SLC8A1: variants seen among roughly 807,000 people sequenced by gnomAD.
SLC8A1 encodes the protein solute carrier family 8 member A1, also known as sodium/calcium exchanger 1.
Under a neutral mutation model 68.3 loss-of-function variants are expected in SLC8A1, and 18 were observed. The observed-to-expected ratio is 0.26, with a 90% CI of 0.18 to 0.39. SLC8A1 has a LOEUF of 0.39. Among genes scored for constraint, SLC8A1 ranks in the 10% least tolerant of loss-of-function variants. The probability of loss-of-function intolerance (pLI) is 1.00; values close to 1 mark genes in which losing one functional copy is unlikely to be tolerated. For missense variants in SLC8A1, 985 were observed against 1,156.7 expected, an observed-to-expected ratio of 0.85 and a Z score of 2.15; for synonymous variants, 475 against 415.5, an observed-to-expected ratio of 1.14 and a Z score of -1.74.
At chr2:40,281,992 TA>T (rs1469046967) in intron 2 of SLC8A1, among the ~76,000 whole-genome samples, 3 of 152,104 alleles carry the variant, frequency 2.0e-5, no homozygotes, top group Non-Finnish European at 4.4e-5. Context: ...TAGAAAAGTA[TA>T]ACAGTGGATT....
At chr2:40,302,887 T>C (rs1456670633) in intron 2 of SLC8A1, among the ~76,000 whole-genome samples, 2 of 152,070 alleles carry the variant, frequency 1.3e-5, no homozygotes, top group African/African-American at 4.8e-5. Flanking sequence ...CAAACCACAA[T>C]GTGATACCAC....
intron 2 of SLC8A1, among the ~76,000 whole-genome samples, chr2:40,351,788 G>A (rs1671185691): frequency 6.6e-6 from 1 of 152,124 alleles, no homozygotes; most frequent in African/African-American, 2.4e-5. Context: ...CTAAGTATTT[G>A]AGGTTGTAGA....
At chr2:40,458,121 T>C (rs1703132008) in intron 1 of SLC8A1, among the ~76,000 whole-genome samples, 1 of 152,232 alleles carries the variant, frequency 6.6e-6, no homozygotes, top group Non-Finnish European at 1.5e-5. Flanking sequence ...AAATAGCTAA[T>C]TTGTGGCAAA....
chr2:40,371,435 T>C (rs1212614516), intron 2 of SLC8A1, among the ~76,000 whole-genome samples: 2 of 152,116 alleles, frequency 1.3e-5, no homozygotes, highest in Non-Finnish European at 2.9e-5. Context: ...TAGTTTCTCA[T>C]TGTGAACATA....
At chr2:40,467,548 A>G (rs1382192785) in intron 1 of SLC8A1, among the ~76,000 whole-genome samples, 2 of 152,172 alleles carry the variant, frequency 1.3e-5, no homozygotes, top group Non-Finnish European at 2.9e-5. Context: ...TGTTCCTTCT[A>G]CAGAATAATG....
chr2:40,421,331 G>A (rs1355477081), intron 2 of SLC8A1, among the ~76,000 whole-genome samples: 2 of 152,108 alleles, frequency 1.3e-5, no homozygotes, highest in Non-Finnish European at 2.9e-5. Flanking sequence ...GCACAAAGCT[G>A]GTAGGGGACA....
chr2:40,394,783 G>T (rs1028812745), intron 2 of SLC8A1, among the ~76,000 whole-genome samples: 2 of 151,938 alleles, frequency 1.3e-5, no homozygotes. Flanking sequence ...CTGCCAAAAA[G>T]GAACATATTA....
chr2:40,248,320 A>G (rs1180644722), intron 2 of SLC8A1, among the ~76,000 whole-genome samples: 1 of 152,182 alleles, frequency 6.6e-6, no homozygotes, highest in Non-Finnish European at 1.5e-5. Flanking sequence ...CCTAACTCCC[A>G]GGGTGATGGG....
chr2:40,368,937 A>C (rs1276602985), intron 2 of SLC8A1, among the ~76,000 whole-genome samples: 1 of 84,408 alleles, frequency 1.2e-5, no homozygotes, highest in Non-Finnish European at 2.3e-5. Flanking sequence ...AGCAGTGAGA[A>C]AATAATTCCT....
At chr2:40,396,748 TAAAAA>T (rs368483768) in intron 2 of SLC8A1, among the ~76,000 whole-genome samples, 33 of 87,082 alleles carry the variant, frequency 3.8e-4, no homozygotes, top group Non-Finnish European at 5.5e-4. Context: ...CTCTAATAAC[TAAAAA>T]AAAAAAAAAA....
chr2:40,273,104 G>A (rs746202774), intron 2 of SLC8A1, among the ~76,000 whole-genome samples: 1 of 151,908 alleles, frequency 6.6e-6, no homozygotes, highest in South Asian at 2.1e-4. Context: ...CACCAAGTCC[G>A]GCTAATTTTT....
intron 2 of SLC8A1, among the ~76,000 whole-genome samples, chr2:40,304,226 G>A (rs942887783): frequency 6.6e-6 from 1 of 152,148 alleles, no homozygotes; most frequent in Non-Finnish European, 1.5e-5. Flanking sequence ...CTTCAGAGAT[G>A]TCCTTCCAGC....
At chr2:40,447,212 G>A (rs1425620962) in intron 1 of SLC8A1, among the ~76,000 whole-genome samples, 1 of 152,116 alleles carries the variant, frequency 6.6e-6, no homozygotes, top group African/African-American at 2.4e-5. Flanking sequence ...AATACATATT[G>A]CAGAATGATA....
At chr2:40,129,054 T>C (rs932007179) in intron 7 of SLC8A1, among the ~76,000 whole-genome samples, 2 of 152,108 alleles carry the variant, frequency 1.3e-5, no homozygotes, top group Non-Finnish European at 2.9e-5. Flanking sequence ...TAAAACTGGA[T>C]TAGGGTAATG....
exon 2 of SLC8A1, chr2:40,428,636 C>T: frequency 6.2e-7 from 1 of 1,613,852 alleles, no homozygotes; most frequent in Non-Finnish European, 8.5e-7. Context: ...CTCTCACTCA[C>T]ATGAGTCACA....
intron 2 of SLC8A1, among the ~76,000 whole-genome samples, chr2:40,362,180 C>T (rs1024073642): frequency 2.6e-5 from 4 of 151,662 alleles, no homozygotes; most frequent in Admixed American, 2.0e-4. Context: ...CAGTAATGAG[C>T]CACTGCGCCT....
intron 1 of SLC8A1, among the ~76,000 whole-genome samples, chr2:40,444,566 T>G (rs898221909): frequency 4.6e-5 from 7 of 152,182 alleles, no homozygotes; most frequent in African/African-American, 1.7e-4. Context: ...TTTGCGTCTC[T>G]CATAATCTAT....
intron 2 of SLC8A1, among the ~76,000 whole-genome samples, chr2:40,303,439 A>C (rs371089700): frequency 1.4e-4 from 21 of 152,304 alleles, no homozygotes; most frequent in African/African-American, 5.1e-4. Context: ...TACAAAATGC[A>C]CTACCCGGGC....
At chr2:40,142,970 G>A (rs184518266) in intron 6 of SLC8A1, among the ~76,000 whole-genome samples, 114 of 152,116 alleles carry the variant, frequency 7.5e-4, no homozygotes, top group Middle Eastern at 6.8e-3. Flanking sequence ...GTGTGTGAGA[G>A]CGAGAGAGAG....
Sources: gnomAD v4.1 joint callset for allele counts (sites outside exome capture counted in the v4.1 genomes callset) on GRCh38, gnomAD v4.1.1 for gene constraint, MANE v1.5 for transcripts, NCBI Gene and HGNC (gene_info 2026-07-23, HGNC 2026-07-21) for gene names.